The following BCAS3 variants were observed in gnomAD, a reference collection of about 807,000 sequenced individuals.
BCAS3 encodes BCAS4/BCAS3 fusion.
A neutral mutation model predicts 116.1 loss-of-function variants in BCAS3; 53 were observed. That is an observed-to-expected ratio of 0.46 (90% confidence interval 0.37 to 0.57). BCAS3 has a LOEUF of 0.57. Among genes scored for constraint, BCAS3 ranks in the 20% least tolerant of loss-of-function variants. BCAS3 has a pLI of 0.00. For synonymous variants in BCAS3, 391 were observed against 408.2 expected (o/e 0.96, Z 0.51); for missense variants, 917 against 1,165.4 (o/e 0.79, Z 3.10).
intron 4 of BCAS3, among the ~76,000 whole-genome samples, chr17:60,698,222 A>G: frequency 6.6e-6 from 1 of 151,976 alleles, no homozygotes; most frequent in South Asian, 2.1e-4. Flanking sequence ...CAGTGGAGAA[A>G]ATAAATAGTG....
In BCAS3 at chr17:61,355,873, G is replaced by A. The variant is rs1010168175; in HGVS notation, c.2426-12454G>A. Among the ~76,000 whole-genome samples the A allele has an allele frequency of 4.6e-5, 7 of 152,218 alleles. No individual in the cohort carries two copies. The highest frequency in any genetic ancestry group is 2.6e-4 in the Admixed American group (4 of 15,288). On this transcript the variant is annotated intron_variant, in intron 22 of 23. Coordinates refer to ENST00000407086, the MANE Select transcript of BCAS3 (RefSeq NM_017679.5). The surrounding 1 kb of genome is among the most constrained non-coding windows in gnomAD (Gnocchi z 4.2). ...CCATTGAAGGAATTGCTAGGTTTCCGAGGATAGTTTGTCTTGCAGTGTATT... is the reference window on the plus strand; with the variant it reads ...CCATTGAAGGAATTGCTAGGTTTCCAAGGATAGTTTGTCTTGCAGTGTATT...
At chr17:60,680,689 G>A (rs2032941400) in intron 2 of BCAS3, among the ~76,000 whole-genome samples, 2 of 151,330 alleles carry the variant, frequency 1.3e-5, no homozygotes, top group Non-Finnish European at 2.9e-5. Flanking sequence ...AGGTTGGAGT[G>A]CAGTGGCGCC....
chr17:61,350,358 T>G (rs2057753992), intron 22 of BCAS3, among the ~76,000 whole-genome samples: 1 of 151,738 alleles, frequency 6.6e-6, no homozygotes, highest in African/African-American at 2.4e-5. Context: ...GAGATTGCAG[T>G]GAGCCAAGAT....
chr17:60,770,769 C>T (rs551571824), intron 6 of BCAS3, among the ~76,000 whole-genome samples: 1 of 150,338 alleles, frequency 6.7e-6, no homozygotes, highest in Admixed American at 6.7e-5. Flanking sequence ...ATTTTGGTTC[C>T]TCTCTGTGGA....
intron 7 of BCAS3, among the ~76,000 whole-genome samples, chr17:60,834,112 T>G (rs1457202719): frequency 3.9e-5 from 6 of 152,050 alleles, no homozygotes; most frequent in African/African-American, 1.4e-4. Context: ...ATAATAACAT[T>G]TATGTAAAAT....
chr17:61,112,871 G>A (rs934676808), intron 22 of BCAS3, among the ~76,000 whole-genome samples: 36 of 151,502 alleles, frequency 2.4e-4, no homozygotes, highest in Non-Finnish European at 3.7e-4. Flanking sequence ...AAAGAACAGA[G>A]ATTATAGCAA....
chr17:61,219,473 T>C lies in BCAS3; in HGVS notation c.2425+134909T>C, dbSNP rs965125082. On this transcript the variant is annotated intron_variant, in intron 22 of 23. Transcript: ENST00000407086. This position sits in a 1 kb window ranked among gnomAD's most constrained non-coding sequence, Gnocchi z 5.2. ...ACTGGTGCTGCCAGCTCAGGGAGTTTATGAAATTTTGATGTAGAAATTAGA... is the reference window on the plus strand; with the variant it reads ...ACTGGTGCTGCCAGCTCAGGGAGTTCATGAAATTTTGATGTAGAAATTAGA... Among the ~76,000 whole-genome samples the C allele has an allele frequency of 6.6e-6, 1 of 152,218 alleles. No individual in the cohort carries two copies. The highest frequency in any genetic ancestry group is 1.5e-5 in the Non-Finnish European group (1 of 68,038).
chr17:60,919,374 G>T (rs2058950297), intron 12 of BCAS3, among the ~76,000 whole-genome samples: 1 of 152,116 alleles, frequency 6.6e-6, no homozygotes, highest in South Asian at 2.1e-4. Context: ...CCAGGTTGGA[G>T]TGGTGCAGTG....
At chr17:61,246,471 GAAA>G (rs1007852809) in intron 22 of BCAS3, among the ~76,000 whole-genome samples, 9 of 33,442 alleles carry the variant, frequency 2.7e-4, no homozygotes, top group African/African-American at 5.9e-4. Context: ...GACTGTCTCA[GAAA>G]AAAAAAAAAA....
At chr17:60,811,818 C>G (rs915865452) in intron 7 of BCAS3, among the ~76,000 whole-genome samples, 3 of 152,142 alleles carry the variant, frequency 2.0e-5, no homozygotes, top group African/African-American at 4.8e-5. Flanking sequence ...GAGGCCAAGG[C>G]CAGCGGATCG....
chr17:61,189,052 G>A lies in BCAS3; in HGVS notation c.2425+104488G>A, dbSNP rs1196536119. Among the ~76,000 whole-genome samples the A allele has an allele frequency of 6.6e-6, 1 of 151,984 alleles. No homozygotes were observed. Among genetic ancestry groups the A allele is most frequent in the African/African-American group, 2.4e-5 (1 of 41,384 alleles). On this transcript the variant is annotated intron_variant, in intron 22 of 23. Coordinates refer to ENST00000407086, the MANE Select transcript of BCAS3 (RefSeq NM_017679.5). The surrounding 1 kb of genome is among the most constrained non-coding windows in gnomAD (Gnocchi z 4.5). ...CGGGAGATTGAGGCTGCAGTGAGCT[G>A]CTATTATGCCCCTACACTCCAGCCT...
rs893571515 is a variant in BCAS3 at position 61,203,503 on chromosome 17, G to A, written c.2425+118939G>A. The stretch of plus-strand genomic sequence containing the variant: ...CTTCCTGATTTCTGGGGGATAAGAG[G>A]GGAACCAAAAAGATAGTTTATGAAG... On this transcript the variant is annotated intron_variant, in intron 22 of 23. Transcript: ENST00000407086. The surrounding 1 kb of genome is among the most constrained non-coding windows in gnomAD (Gnocchi z 5.7). 6.6e-6 allele frequency among the ~76,000 whole-genome samples: 1 copy of A among 151,796 alleles called. No individual in the cohort carries two copies. Among genetic ancestry groups the A allele is most frequent in the African/African-American group, 2.4e-5 (1 of 41,300 alleles).
At chr17:60,924,584 A>G in intron 13 of BCAS3, 84 bp downstream of exon 13, 4 of 1,042,506 alleles carry the variant, frequency 3.8e-6, no homozygotes, top group Non-Finnish European at 5.7e-6. Flanking sequence ...GGAATATGGA[A>G]TCTGACTTTT....
At position 60,706,067 on chromosome 17, in the gene BCAS3, C is replaced by CT. The variant is rs1055034612; in HGVS notation, c.215-3143dup. 1.4e-3 allele frequency among the ~76,000 whole-genome samples: 217 copies of CT among 151,136 alleles called. 1 individual carries two copies. The highest frequency in any genetic ancestry group is 3.9e-3 in the African/African-American group (160 of 41,270). ...CTCACTGTGAAGACAAGGATGAAGA[C>CT]TTTTTTTTTATGGAGATGGAGTTTC... On this transcript the variant is annotated intron_variant, in intron 4 of 23. Coordinates refer to ENST00000407086, the MANE Select transcript of BCAS3 (RefSeq NM_017679.5).
Position 61,200,938 on chromosome 17 carries a change from C to G in BCAS3, c.2425+116374C>G, listed in dbSNP as rs2080779629. On this transcript the variant is annotated intron_variant, in intron 22 of 23. Transcript: ENST00000407086. This position sits in a 1 kb window ranked among gnomAD's most constrained non-coding sequence, Gnocchi z 5.1. ...CCAAGTTAGCAGCCCTGAGTCAGGA[C>G]AGGTGTTTATTTTTAATTCATACTC... Among the ~76,000 whole-genome samples, 1 of 151,860 alleles carries G rather than the reference C, an allele frequency of 6.6e-6. No homozygotes were observed. Among genetic ancestry groups the G allele is most frequent in the African/African-American group, 2.4e-5 (1 of 41,354 alleles).
chr17:60,835,311 A>G (rs554214457), intron 7 of BCAS3, among the ~76,000 whole-genome samples: 1 of 152,148 alleles, frequency 6.6e-6, no homozygotes, highest in South Asian at 2.1e-4. Flanking sequence ...TTATGCTATT[A>G]TTATGGCTGA....
chr17:60,805,460 A>T (rs1230912564), intron 6 of BCAS3, among the ~76,000 whole-genome samples: 1 of 152,206 alleles, frequency 6.6e-6, no homozygotes, highest in Non-Finnish European at 1.5e-5. Context: ...ATAAATTAAC[A>T]GGAGAAAAGC....
intron 22 of BCAS3, among the ~76,000 whole-genome samples, chr17:61,273,292 T>G (rs2050469870): frequency 6.6e-6 from 1 of 151,922 alleles, no homozygotes; most frequent in South Asian, 2.1e-4. Flanking sequence ...GTATTTTTTG[T>G]AGAGATGGGG....
chr17:61,270,195 C>A (rs1474129344), intron 22 of BCAS3, among the ~76,000 whole-genome samples: 1 of 148,620 alleles, frequency 6.7e-6, no homozygotes, highest in East Asian at 2.0e-4. Context: ...TCCCGGCTTA[C>A]CGCAACCTCT....
Sources: allele counts gnomAD v4.1 joint callset (sites outside exome capture counted in the v4.1 genomes callset), GRCh38; gene constraint gnomAD v4.1.1; non-coding constraint Gnocchi (gnomAD v3.1); transcripts MANE v1.5; gene names NCBI Gene and HGNC (gene_info 2026-07-23, HGNC 2026-07-21).